Variants in CSMD1 observed in about 807,000 individuals in gnomAD.
CSMD1 encodes CUB and Sushi multiple domains 1.
A neutral mutation model predicts 417.5 loss-of-function variants in CSMD1; 213 were observed. The observed-to-expected ratio is 0.51, with a 90% CI of 0.46 to 0.57. The LOEUF (loss-of-function observed/expected upper bound fraction) is 0.57. CSMD1 is among the 20% of genes least tolerant of loss of function. CSMD1 has a pLI of 0.00. For missense variants in CSMD1, 6,923 were observed against 4,529.7 expected (o/e 1.53, Z -15.17); for synonymous variants, 2,862 against 1,736.8 (o/e 1.65, Z -16.11).
chr8:3,552,222 A>G (rs12056919), intron 10 of CSMD1, among the ~76,000 whole-genome samples: 77,332 of 152,008 alleles, frequency 0.51, 19,830 homozygotes, highest in Middle Eastern at 0.56. Context: ...TGATTTAGAA[A>G]AAAGGGCTGA....
intron 7 of CSMD1, among the ~76,000 whole-genome samples, chr8:3,645,420 G>T (rs889887693): frequency 6.6e-6 from 1 of 152,160 alleles, no homozygotes; most frequent in African/African-American, 2.4e-5. Flanking sequence ...GGTACCTTCT[G>T]GTCTCAGAGG....
intron 3 of CSMD1, among the ~76,000 whole-genome samples, chr8:4,052,310 T>A (rs780449341): frequency 6.6e-6 from 1 of 152,158 alleles, no homozygotes; most frequent in African/African-American, 2.4e-5. Flanking sequence ...ACGCTGACAT[T>A]TAATGCGTAA....
chr8:4,520,730 AT>A (rs771909097), intron 2 of CSMD1, among the ~76,000 whole-genome samples: 9 of 152,212 alleles, frequency 5.9e-5, no homozygotes, highest in Non-Finnish European at 1.3e-4. Flanking sequence ...TGTTCCAATT[AT>A]TTAACTCTAA....
chr8:3,933,253 G>C (rs1252616484), intron 5 of CSMD1, among the ~76,000 whole-genome samples: 1 of 152,264 alleles, frequency 6.6e-6, no homozygotes, highest in Non-Finnish European at 1.5e-5. Context: ...TAGAGTACGT[G>C]TTAAATTGAC....
chr8:4,974,152 G>A (rs1810408992), intron 1 of CSMD1, among the ~76,000 whole-genome samples: 1 of 151,478 alleles, frequency 6.6e-6, no homozygotes, highest in South Asian at 2.1e-4. Flanking sequence ...GAGTAGCTGA[G>A]ATTACAGGCA....
intron 3 of CSMD1, among the ~76,000 whole-genome samples, chr8:4,157,323 G>T (rs1171850990): frequency 6.6e-6 from 1 of 152,218 alleles, no homozygotes; most frequent in East Asian, 1.9e-4. Flanking sequence ...GCAACTCAGG[G>T]TGGGCAGAGC....
chr8:4,410,109 C>G lies in CSMD1; in HGVS notation c.415+9844G>C, dbSNP rs539360323. Among the ~76,000 whole-genome samples the G allele has an allele frequency of 2.6e-5, 4 of 152,276 alleles. No individual in the cohort carries two copies. In the South Asian group the frequency reaches 8.3e-4, roughly 32 times the overall value. On this transcript the variant is annotated intron_variant, in intron 3 of 69. Coordinates refer to ENST00000635120, the MANE Select transcript of CSMD1 (RefSeq NM_033225.6). ...GATTACAGCCATGAGCCACCGTACC[C>G]GGTCCCATACTTTATAATCTTTGAA...
At chr8:3,240,988 GT>G (rs1259470646) in intron 26 of CSMD1, among the ~76,000 whole-genome samples, 160 of 151,288 alleles carry the variant, frequency 1.1e-3, no homozygotes, top group South Asian at 4.6e-3. Context: ...AGGGTGATTA[GT>G]TTTTAATGAG....
intron 23 of CSMD1, among the ~76,000 whole-genome samples, chr8:3,330,480 C>T (rs1250534860): frequency 6.6e-6 from 1 of 152,156 alleles, no homozygotes; most frequent in South Asian, 2.1e-4. Flanking sequence ...TTATCGTTAG[C>T]AAACTAAGGC....
intron 12 of CSMD1, among the ~76,000 whole-genome samples, chr8:3,424,288 G>C (rs750032684): frequency 9.2e-5 from 14 of 152,108 alleles, no homozygotes; most frequent in Non-Finnish European, 1.5e-5. Flanking sequence ...GCCAGGTATT[G>C]CCTAGTTTAG....
intron 6 of CSMD1, among the ~76,000 whole-genome samples, chr8:3,748,102 G>A (rs1220371475): frequency 6.6e-6 from 1 of 152,150 alleles, no homozygotes; most frequent in Admixed American, 6.5e-5. Flanking sequence ...CAGTCGCTTG[G>A]AACCCATAGA....
intron 37 of CSMD1, among the ~76,000 whole-genome samples, chr8:3,169,808 C>T (rs916445350): frequency 6.6e-6 from 1 of 152,012 alleles, no homozygotes; most frequent in Admixed American, 6.5e-5. Flanking sequence ...ATTCCAAGTA[C>T]CCCCCACTTT....
intron 31 of CSMD1, among the ~76,000 whole-genome samples, chr8:3,203,316 C>T (rs1055989728): frequency 1.3e-5 from 2 of 152,130 alleles, no homozygotes; most frequent in Admixed American, 1.3e-4. Context: ...GGGTTCTAAC[C>T]CGTCACACAC....
At chr8:4,916,414 A>G (rs1165732961) in intron 1 of CSMD1, among the ~76,000 whole-genome samples, 2 of 152,250 alleles carry the variant, frequency 1.3e-5, no homozygotes, top group African/African-American at 4.8e-5. Flanking sequence ...ATATGCACAT[A>G]TAAATATGGC....
rs140797457 is a variant in CSMD1, at chr8:4,283,599, G to A, written c.415+136354C>T. Among the ~76,000 whole-genome samples the A allele has an allele frequency of 5.2e-3, 794 of 152,216 alleles. 8 individuals carry two copies. Among genetic ancestry groups the A allele is most frequent in the African/African-American group, 0.018 (739 of 41,546 alleles). ...TCAACATGTAATTTAGGAAACCCAG[G>A]TCCTTGGGGACACGAAACTTTCCCA... On this transcript the variant is annotated intron_variant, in intron 3 of 69. Coordinates refer to ENST00000635120, the MANE Select transcript of CSMD1 (RefSeq NM_033225.6).
chr8:4,353,032 C>A (rs1178536781), intron 3 of CSMD1, among the ~76,000 whole-genome samples: 1 of 152,164 alleles, frequency 6.6e-6, no homozygotes, highest in South Asian at 2.1e-4. Flanking sequence ...TTTCCTGAGT[C>A]TTAATATATT....
intron 5 of CSMD1, among the ~76,000 whole-genome samples, chr8:3,894,918 C>A (rs79653433): frequency 0.047 from 7,161 of 152,216 alleles, 532 homozygotes; most frequent in African/African-American, 0.16. Flanking sequence ...TAGTATTCAA[C>A]ACTGTACCAT....
chr8:4,159,262 G>C (rs928860160), intron 3 of CSMD1, among the ~76,000 whole-genome samples: 4 of 152,046 alleles, frequency 2.6e-5, no homozygotes, highest in Middle Eastern at 3.2e-3. Context: ...TACTCATTGG[G>C]GTAGCATTTA....
At chr8:4,166,514 C>A (rs909846681) in intron 3 of CSMD1, among the ~76,000 whole-genome samples, 1 of 152,086 alleles carries the variant, frequency 6.6e-6, no homozygotes, top group Admixed American at 6.6e-5. Context: ...AATGGAAAAG[C>A]AAATACTGTA....
Sources: gnomAD v4.1 joint callset for allele counts (sites outside exome capture counted in the v4.1 genomes callset) on GRCh38, gnomAD v4.1.1 for gene constraint, MANE v1.5 for transcripts, NCBI Gene and HGNC (gene_info 2026-07-23, HGNC 2026-07-21) for gene names.